KIF6: variants seen among roughly 807,000 people sequenced by gnomAD.
KIF6 encodes kinesin-like protein KIF6.
KIF6 carries 106 observed loss-of-function variants against 112.7 expected under a neutral mutation model. That is an observed-to-expected ratio of 0.94 (90% CI 0.80 to 1.11). The LOEUF (loss-of-function observed/expected upper bound fraction) is 1.11, where lower values mean the gene tolerates loss of function less well. Among genes scored for constraint, KIF6 ranks in the 50% least tolerant of loss-of-function variants. The probability of loss-of-function intolerance (pLI) is 0.00; values close to 1 mark genes in which losing one functional copy is unlikely to be tolerated. For missense variants in KIF6, 929 were observed against 964.0 expected, an observed-to-expected ratio of 0.96 and a Z score of 0.48; for synonymous variants, 339 against 339.9, an observed-to-expected ratio of 1.00 and a Z score of 0.03.
chr6:39,632,757 T>C (rs1029616763), intron 5 of KIF6, among the ~76,000 whole-genome samples: 6 of 151,952 alleles, frequency 3.9e-5, no homozygotes. Context: ...CCCGAGTAGC[T>C]AGGACTACAG....
chr6:39,646,005 G>A (rs561553838), intron 3 of KIF6, among the ~76,000 whole-genome samples: 1 of 151,826 alleles, frequency 6.6e-6, no homozygotes, highest in Admixed American at 6.6e-5. Context: ...AGCATTAGGA[G>A]ATATACCTAA....
At chr6:39,499,711 G>C (rs1581988480) in intron 13 of KIF6, among the ~76,000 whole-genome samples, 1 of 152,174 alleles carries the variant, frequency 6.6e-6, no homozygotes, top group Non-Finnish European at 1.5e-5. Context: ...TGAGCTATCA[G>C]TAAGAAAGTC....
chr6:39,653,879 C>A (rs188358291), intron 3 of KIF6, among the ~76,000 whole-genome samples: 2 of 152,240 alleles, frequency 1.3e-5, no homozygotes, highest in Non-Finnish European at 2.9e-5. Context: ...TCTGAAGGCA[C>A]AGGAAACAGA....
At position 39,694,099 on chromosome 6, in the gene KIF6, C is replaced by G. The variant is rs936288458; in HGVS notation, c.251+20593G>C. ...TCTCAATAGATATGGAAAAAGCATC[C>G]AATAAAATCCAACATCCCTTCATGG... On this transcript the variant is annotated intron_variant, in intron 3 of 22. Coordinates refer to ENST00000287152, the MANE Select transcript of KIF6 (RefSeq NM_145027.6). Among the ~76,000 whole-genome samples, 5 of 144,974 alleles carry G rather than the reference C, an allele frequency of 3.4e-5. 1 individual carries two copies. Among genetic ancestry groups the G allele is most frequent in the Admixed American group, 7.2e-5 (1 of 13,876 alleles).
intron 4 of KIF6, among the ~76,000 whole-genome samples, chr6:39,638,981 T>C (rs1243183335): frequency 6.6e-6 from 1 of 152,080 alleles, no homozygotes; most frequent in African/African-American, 2.4e-5. Flanking sequence ...GATCAGCTAC[T>C]TACAGGATGT....
chr6:39,506,253 C>G (rs1422929071), intron 13 of KIF6, among the ~76,000 whole-genome samples: 2 of 152,084 alleles, frequency 1.3e-5, no homozygotes, highest in African/African-American at 4.8e-5. Flanking sequence ...AACACAGGAA[C>G]AGAAAATCAA....
At chr6:39,620,731 T>A (rs1045671706) in intron 5 of KIF6, among the ~76,000 whole-genome samples, 2 of 150,144 alleles carry the variant, frequency 1.3e-5, no homozygotes, top group African/African-American at 5.0e-5. Flanking sequence ...TACTCTCTTT[T>A]GATCACCCCT....
intron 16 of KIF6, among the ~76,000 whole-genome samples, chr6:39,385,347 G>A (rs574196628): frequency 1.3e-5 from 2 of 152,274 alleles, no homozygotes; most frequent in African/African-American, 4.8e-5. Context: ...GTGAATTTAG[G>A]TGGGGATGTG....
chr6:39,626,174 A>C (rs187912944), intron 5 of KIF6, among the ~76,000 whole-genome samples: 346 of 152,266 alleles, frequency 2.3e-3, no homozygotes, highest in Middle Eastern at 0.014. Flanking sequence ...CACAGAATCC[A>C]GGGCATCTTG....
chr6:39,437,382 G>C lies in KIF6; in HGVS notation c.1646-6221C>G, dbSNP rs186383964. On this transcript the variant is annotated intron_variant, in intron 13 of 22. Coordinates refer to ENST00000287152, the MANE Select transcript of KIF6 (RefSeq NM_145027.6). ...AGGATTTTTGTCAGTTTTGTTTGCA[G>C]CAATATTTCTAGAATCCAGATAGTA... 2.3e-3 allele frequency among the ~76,000 whole-genome samples: 346 copies of C among 152,276 alleles called. 1 individual carries two copies. Among genetic ancestry groups the C allele is most frequent in the African/African-American group, 7.6e-3 (317 of 41,548 alleles).
At position 39,332,815 on chromosome 6, in the gene KIF6, C is replaced by G. The variant is rs1762791127; in HGVS notation, c.*3717G>C. 1 of 152,232 alleles carries G rather than the reference C, an allele frequency of 6.6e-6. No individual in the cohort carries two copies. The highest frequency in any genetic ancestry group is 1.5e-5 in the Non-Finnish European group (1 of 68,060). 9.4% of individuals were successfully genotyped at this position (152,232 alleles called of 1,614,324 possible). The stretch of plus-strand genomic sequence containing the variant: ...TTTTTTCTCCTCTCTCTCTCCTTCT[C>G]TCTCTCTCATCCCTGGGACTCTGCC... On this transcript the variant is annotated 3_prime_UTR_variant, in exon 23 of 23. Transcript: ENST00000287152.
At chr6:39,552,868 A>G (rs142470677) in intron 10 of KIF6, among the ~76,000 whole-genome samples, 223 of 152,324 alleles carry the variant, frequency 1.5e-3, no homozygotes, top group African/African-American at 5.1e-3. Context: ...GCACAAAAGG[A>G]AAGTTCAGAT....
intron 16 of KIF6, among the ~76,000 whole-genome samples, chr6:39,374,384 A>G (rs1766263944): frequency 6.6e-6 from 1 of 152,252 alleles, no homozygotes; most frequent in Non-Finnish European, 1.5e-5. Context: ...ATTGGATTAT[A>G]TCAGACTAAA....
intron 2 of KIF6, among the ~76,000 whole-genome samples, chr6:39,717,759 T>C (rs1365052318): frequency 6.6e-6 from 1 of 152,208 alleles, no homozygotes. Context: ...ATAAATGTTC[T>C]TGGGGGAAAA....
intron 13 of KIF6, among the ~76,000 whole-genome samples, chr6:39,447,753 C>T (rs936060229): frequency 3.3e-5 from 5 of 152,216 alleles, no homozygotes; most frequent in African/African-American, 1.2e-4. Flanking sequence ...TTCAACAGAG[C>T]TGTCTACATT....
At chr6:39,662,726 T>A (rs952080856) in intron 3 of KIF6, among the ~76,000 whole-genome samples, 13 of 152,106 alleles carry the variant, frequency 8.5e-5, no homozygotes, top group African/African-American at 2.9e-4. Context: ...TTATCTTGAA[T>A]AATAAAATAC....
intron 13 of KIF6, among the ~76,000 whole-genome samples, chr6:39,476,141 T>C (rs1451788370): frequency 2.0e-5 from 3 of 151,504 alleles, no homozygotes; most frequent in Non-Finnish European, 2.9e-5. Context: ...CAAACTACCA[T>C]GGCACATGTT....
At chr6:39,717,139 A>G (rs1167045701) in intron 2 of KIF6, among the ~76,000 whole-genome samples, 1 of 152,120 alleles carries the variant, frequency 6.6e-6, no homozygotes, top group Non-Finnish European at 1.5e-5. Context: ...TAAGTGAGAT[A>G]ATTTCATTCC....
chr6:39,448,852 T>C (rs1198721326), intron 13 of KIF6, among the ~76,000 whole-genome samples: 2 of 152,326 alleles, frequency 1.3e-5, no homozygotes, highest in East Asian at 3.9e-4. Flanking sequence ...AATTGGCATA[T>C]CAAACTTAAC....
Sources: allele counts gnomAD v4.1 joint callset (sites outside exome capture counted in the v4.1 genomes callset), GRCh38; gene constraint gnomAD v4.1.1; transcripts MANE v1.5; gene names NCBI Gene and HGNC (gene_info 2026-07-23, HGNC 2026-07-21).